The following ULK1 variants were observed in gnomAD, a reference collection of about 807,000 sequenced individuals.
ULK1 encodes the protein unc-51 like autophagy activating kinase 1.
Under a neutral mutation model 117.5 loss-of-function variants are expected in ULK1, and 48 were observed. The ratio of observed to expected loss-of-function variants is 0.41; its 90% CI spans 0.32 to 0.52. ULK1 has a LOEUF of 0.52. Ranked by LOEUF, ULK1 falls within the 20% of genes least tolerant of loss-of-function variation. ULK1 has a pLI of 0.29. For synonymous variants in ULK1, 790 were observed against 637.8 expected (o/e 1.24, Z -3.60); for missense variants, 1,387 against 1,473.4 (o/e 0.94, Z 0.96).
rs1889302987 is a variant in ULK1, at chr12:131,907,004, G to A, written c.279+80G>A. On this transcript the variant is annotated intron_variant, in intron 4 of 27. Transcript: ENST00000321867. ...GCCCCACAGGGAGGGACATGGCTGG[G>A]GGGAGGGTGATGAGCACCTTTTCTT... is the stretch of plus-strand genomic sequence containing the variant. The A allele has an allele frequency of 3.1e-6, 5 of 1,593,670 alleles. No homozygotes were observed. The South Asian group carries it at 4.4e-5, about 14-fold the overall frequency.
intron 25 of ULK1, 89 bp from the exon 26 acceptor site, chr12:131,919,890 G>C (rs1890072729): frequency 6.6e-7 from 1 of 1,520,100 alleles, no homozygotes; most frequent in Non-Finnish European, 8.9e-7. Context: ...GGAGGGACGT[G>C]CTCGCTCAGT....
Position 131,919,463 on chromosome 12 carries a change from C to T in ULK1, c.2685-9C>T, listed in dbSNP as rs776678297. The T allele has an allele frequency of 7.8e-5, 125 of 1,608,094 alleles. No homozygotes were observed. Among genetic ancestry groups the T allele is most frequent in the Admixed American group, 1.8e-4 (11 of 59,816 alleles). On this transcript the variant is annotated splice_polypyrimidine_tract_variant and intron_variant, in intron 24 of 27. Transcript: ENST00000321867. ...AACCGGCCTCCTCTGATCTGCCTGCCGCCCCCAGCTTCGCGGAACAGCTGG... is the reference window on the plus strand; with the variant it reads ...AACCGGCCTCCTCTGATCTGCCTGCTGCCCCCAGCTTCGCGGAACAGCTGG...
intron 20 of ULK1, 59 bp from the exon 21 acceptor site, chr12:131,916,894 G>A (rs887351894): frequency 5.1e-4 from 759 of 1,476,714 alleles, no homozygotes; most frequent in Non-Finnish European, 6.1e-4. Flanking sequence ...GGGACCTCTC[G>A]AGGTCCAGTT....
intron 3 of ULK1, among the ~76,000 whole-genome samples, chr12:131,904,581 C>A (rs556492904): frequency 6.6e-6 from 1 of 152,296 alleles, no homozygotes; most frequent in South Asian, 2.1e-4. Context: ...GGGTGAGTGG[C>A]TGGGGGATGG....
intron 12 of ULK1, among the ~76,000 whole-genome samples, chr12:131,911,165 A>G (rs1024675081): frequency 6.6e-6 from 1 of 152,170 alleles, no homozygotes; most frequent in African/African-American, 2.4e-5. Context: ...TGATGGCCCC[A>G]CATGATGATG....
chr12:131,918,587 G>A lies in ULK1; in HGVS notation c.2417G>A (p.Gly806Glu), dbSNP rs1889965975. Residue 806 changes from glycine to glutamate, a missense_variant, in exon 23 of 28, where the codon GGA becomes GAA. By Grantham distance (98) the Gly-to-Glu change is moderately conservative (BLOSUM62 -2). Coordinates refer to ENST00000321867, the MANE Select transcript of ULK1 (RefSeq NM_003565.4). ...EAPAPELPAPGHGCSFADPIT... is the reference protein window; with the variant it reads ...EAPAPELPAPEHGCSFADPIT... ...CCAGCCCCTGAGCTCCCTGCTCCAG[G>A]ACACGGCTGCAGCTTTGCCGACCCC... 1 of 1,610,770 alleles carries A rather than the reference G, an allele frequency of 6.2e-7. No homozygotes were observed. Among genetic ancestry groups the A allele is most frequent in the African/African-American group, 1.3e-5 (1 of 74,826 alleles).
At position 131,921,559 on chromosome 12, in the gene ULK1, G is replaced by T. The variant is rs1593279491; in HGVS notation, c.*198G>T. On this transcript the variant is annotated 3_prime_UTR_variant, in exon 28 of 28. Transcript: ENST00000321867. ...AGCACATCTGGAGCCACACAGCTTG[G>T]GGGGTGTCTCCCATCTTTTACAGGT... 1 of 751,904 alleles carries T rather than the reference G, an allele frequency of 1.3e-6. No individual in the cohort carries two copies. The highest frequency in any genetic ancestry group is 2.6e-5 in the East Asian group (1 of 38,454). 46.6% of individuals were successfully genotyped at this position (751,904 alleles called of 1,614,324 possible).
At position 131,921,135 on chromosome 12, in the gene ULK1, C is replaced by T; in HGVS notation, c.2997C>T (p.His999=). Residue 999 remains histidine, a synonymous_variant, in exon 27 of 28, where the codon CAC becomes CAT. Transcript: ENST00000321867. ...QSAALDEMFQ[H]REGCVPRYHK... is the part of the protein sequence containing the mutation. Reference sequence around the variant, plus strand: ...CTGCCCTGGACGAGATGTTCCAGCACCGTGAGGGCTGCGTCCCACGCTACC... The same window carrying T: ...CTGCCCTGGACGAGATGTTCCAGCATCGTGAGGGCTGCGTCCCACGCTACC... 1.2e-6 allele frequency: 2 copies of T among 1,602,840 alleles called. No individual in the cohort carries two copies. The highest frequency in any genetic ancestry group is 1.7e-6 in the Non-Finnish European group (2 of 1,179,572).
intron 5 of ULK1, among the ~76,000 whole-genome samples, chr12:131,907,867 C>T (rs1301690013): frequency 6.6e-6 from 1 of 151,914 alleles, no homozygotes; most frequent in Non-Finnish European, 1.5e-5. Context: ...AAAGTTGAGC[C>T]CTGTGGCGGA....
chr12:131,917,218 T>G, intron 21 of ULK1, among the ~76,000 whole-genome samples, 156 bp downstream of exon 21: 1 of 18,826 alleles, frequency 5.3e-5, no homozygotes, highest in East Asian at 0.012. Flanking sequence ...GGGATGGGGC[T>G]CGAGGCTGTG....
At chr12:131,909,717 C>T (rs1349839983) in intron 8 of ULK1, 58 bp from the exon 9 acceptor site, 19 of 1,493,514 alleles carry the variant, frequency 1.3e-5, no homozygotes, top group East Asian at 2.4e-5. Context: ...ACCGAGACCC[C>T]GTGGGCTGGT....
At position 131,895,698 on chromosome 12, in the gene ULK1, G is replaced by C; in HGVS notation, c.204+5G>C. On this transcript the variant is annotated splice_donor_5th_base_variant and intron_variant, in intron 2 of 27. Coordinates refer to ENST00000321867, the MANE Select transcript of ULK1 (RefSeq NM_003565.4). ...AAGGAAATCAAAATCCTGAAGGTGA[G>C]CCAGTGCTGGGGGAGGGGGCGTGGG... is the stretch of plus-strand genomic sequence containing the variant. The C allele has an allele frequency of 6.2e-7, 1 of 1,614,156 alleles. No individual in the cohort carries two copies. The highest frequency in any genetic ancestry group is 8.5e-7 in the Non-Finnish European group (1 of 1,179,998).
Position 131,915,398 on chromosome 12 carries a change from G to C in ULK1, c.1586G>C (p.Arg529Pro). ...GTPSPQGAEMRGGRSPRPGSS... is the reference protein window; with the variant it reads ...GTPSPQGAEMPGGRSPRPGSS... ...CCCTCCCCACAGGGAGCTGAGATGC[G>C]GGGTGGCAGGTCCCCTCGTCCAGGT... Residue 529 changes from arginine (R) to proline (P), a missense_variant, in exon 18 of 28, where the codon CGG becomes CCG. Physicochemically the swap from Arg to Pro is moderately radical, Grantham distance 103. Coordinates refer to ENST00000321867, the MANE Select transcript of ULK1 (RefSeq NM_003565.4). The C allele has an allele frequency of 6.2e-7, 1 of 1,612,706 alleles. No homozygotes were observed. Among genetic ancestry groups the C allele is most frequent in the South Asian group, 1.1e-5 (1 of 91,082 alleles).
chr12:131,917,522 C>T lies in ULK1; in HGVS notation c.2294C>T (p.Pro765Leu), dbSNP rs757273395. ...TVGSPPSGST[P>L]PQGPRTRMFS... is the part of the protein sequence containing the mutation. Reference sequence around the variant, plus strand: ...GGCTCTCCCCCGAGCGGGAGCACGCCCCCCCAGGGCCCCCGCACCAGGATG... The same window carrying T: ...GGCTCTCCCCCGAGCGGGAGCACGCTCCCCCAGGGCCCCCGCACCAGGATG... Residue 765 changes from proline to leucine, a missense_variant, in exon 22 of 28, where the codon CCC becomes CTC. Coordinates refer to ENST00000321867, the MANE Select transcript of ULK1 (RefSeq NM_003565.4). 3 of 1,449,182 alleles carry T rather than the reference C, an allele frequency of 2.1e-6. No homozygotes were observed. The highest frequency in any genetic ancestry group is 2.9e-5 in the African/African-American group (2 of 68,268). The allele number at this position is 1,449,182 out of a possible 1,614,324, so 89.8% of individuals were successfully genotyped here. A position where few individuals can be genotyped will look rare whatever the true frequency, so the allele number is the denominator to read the frequency against.
chr12:131,915,112 C>T lies in ULK1; in HGVS notation c.1403C>T (p.Thr468Ile), dbSNP rs143353559. 57 of 1,572,760 alleles carry T rather than the reference C, an allele frequency of 3.6e-5. No homozygotes were observed. The African/African-American group carries it at 4.2e-4, about 12-fold the overall frequency. Reference protein sequence around the residue: ...RSSAIRRSGSTSPLGFARASP... With the variant: ...RSSAIRRSGSISPLGFARASP... ...TCTGCCATCCGCAGGTCAGGCAGCA[C>T]CAGCCCCCTGGGCTTTGCAAGGGCC... is the stretch of plus-strand genomic sequence containing the variant. The change falls in exon 17 of 28, where the codon ACC becomes ATC. Residue 468 changes from threonine to isoleucine, a missense_variant. Transcript: ENST00000321867.
At position 131,916,529 on chromosome 12, in the gene ULK1, C is replaced by T. The variant is rs1364386441; in HGVS notation, c.2010C>T (p.Phe670=). 1.2e-6 allele frequency: 2 copies of T among 1,610,664 alleles called. No homozygotes were observed. The highest frequency in any genetic ancestry group is 1.1e-5 in the South Asian group (1 of 91,072). The change falls in exon 20 of 28, where the codon TTC becomes TTT. Residue 670 remains phenylalanine, a synonymous_variant. Transcript: ENST00000321867. The stretch of plus-strand genomic sequence containing the variant: ...CCGACCTCTCGGAGGTGGGACCCTT[C>T]CATGGTCAGCCGTTGGGCCCTGGCC... ...TLPDLSEVGP[F]HGQPLGPGLR...
At chr12:131,913,352 A>G in intron 14 of ULK1, 94 bp downstream of exon 14, 1 of 1,276,446 alleles carries the variant, frequency 7.8e-7, no homozygotes, top group East Asian at 2.9e-5. Context: ...AGATCGCGCC[A>G]CTGCACTCCA....
chr12:131,907,553 C>A (rs757293785), intron 5 of ULK1, 22 bp downstream of exon 5: 1 of 1,606,342 alleles, frequency 6.2e-7, no homozygotes, highest in Admixed American at 1.7e-5. Context: ...GCTGCGCCAC[C>A]TGGGCTGCCA....
rs575903892 is a variant in ULK1 at position 131,902,576 on chromosome 12, C to T, written c.247-4316C>T. 1.8e-4 allele frequency among the ~76,000 whole-genome samples: 27 copies of T among 152,248 alleles called. No homozygotes were observed. Among genetic ancestry groups the T allele is most frequent in the African/African-American group, 6.3e-4 (26 of 41,536 alleles). On this transcript the variant is annotated intron_variant, in intron 3 of 27. Transcript: ENST00000321867. This position sits in a 1 kb window ranked among gnomAD's most constrained non-coding sequence, Gnocchi z 6.3. ...GATATTGCTGTCTTTTTGAAGTGTT[C>T]TGAGCCTCAGATGCATGTGTTGGGA...
Sources: gnomAD v4.1 joint callset for allele counts (sites outside exome capture counted in the v4.1 genomes callset) on GRCh38, gnomAD v4.1.1 for gene constraint, Gnocchi (gnomAD v3.1) non-coding constraint, MANE v1.5 for transcripts, NCBI Gene and HGNC (gene_info 2026-07-23, HGNC 2026-07-21) for gene names.